WNT7B: variants seen among roughly 807,000 people sequenced by gnomAD.
The protein encoded by WNT7B is protein Wnt-7b.
Under a neutral mutation model 38.2 loss-of-function variants are expected in WNT7B, and 19 were observed. That is an observed-to-expected ratio of 0.50 (90% CI 0.35 to 0.73). The LOEUF is 0.73. Ranked by LOEUF, WNT7B falls within the 30% of genes least tolerant of loss-of-function variation. The pLI is 0.01. For synonymous variants in WNT7B, 243 were observed against 209.3 expected (o/e 1.16, Z -1.39); for missense variants, 423 against 507.9 (o/e 0.83, Z 1.61).
chr22:45,929,247 T>C (rs1015031187), intron 3 of WNT7B, among the ~76,000 whole-genome samples: 7 of 152,184 alleles, frequency 4.6e-5, no homozygotes, highest in African/African-American at 1.4e-4. Flanking sequence ...TCAAGGTTCG[T>C]AGGCCTCCTT....
At chr22:45,948,143 T>A (rs1361980594) in intron 2 of WNT7B, among the ~76,000 whole-genome samples, 1 of 151,914 alleles carries the variant, frequency 6.6e-6, no homozygotes, top group East Asian at 1.9e-4. Context: ...CCACCACAAC[T>A]CCCCGGGGGC....
At chr22:45,973,236 C>T (rs1182630576) in intron 1 of WNT7B, among the ~76,000 whole-genome samples, 1 of 152,236 alleles carries the variant, frequency 6.6e-6, no homozygotes, top group East Asian at 1.9e-4. Flanking sequence ...TCTCCCTCCT[C>T]GAGTTCCTTT....
chr22:45,924,590 G>A (rs560026849), intron 3 of WNT7B, among the ~76,000 whole-genome samples: 4 of 152,386 alleles, frequency 2.6e-5, no homozygotes, highest in Admixed American at 1.3e-4. Context: ...CAACATGAGC[G>A]AAGGTCTGGA....
intron 2 of WNT7B, among the ~76,000 whole-genome samples, chr22:45,933,071 T>G (rs975787801): frequency 3.3e-5 from 5 of 152,030 alleles, no homozygotes; most frequent in Non-Finnish European, 5.9e-5. Flanking sequence ...CTCAGCCAGG[T>G]GGGGGTCCCT....
In WNT7B at chr22:45,939,931, A is replaced by ATT. The variant is rs1931604941; in HGVS notation, c.299-8563_299-8562insAA. Reference sequence around the variant, plus strand: ...ATTTCTATGAAATGCCCAGAGGAGCAGGAGTTGGAGAGTTAGACAGCACCT... The same window carrying ATT: ...ATTTCTATGAAATGCCCAGAGGAGCATTGGAGTTGGAGAGTTAGACAGCACCT... On this transcript the variant is annotated intron_variant, in intron 2 of 3. Transcript: ENST00000339464. 5.3e-5 allele frequency among the ~76,000 whole-genome samples: 8 copies of ATT among 152,346 alleles called. No individual in the cohort carries two copies. The South Asian group carries it at 1.4e-3, about 28-fold the overall frequency.
At chr22:45,925,487 G>A (rs1247024000) in intron 3 of WNT7B, 21 of 985,140 alleles carry the variant, frequency 2.1e-5, no homozygotes, top group Non-Finnish European at 2.4e-5. Flanking sequence ...AGGGCTAAGG[G>A]GCATCTGGGC....
At chr22:45,930,918 C>A (rs1033691667) in intron 3 of WNT7B, among the ~76,000 whole-genome samples, 180 bp downstream of exon 3, 1 of 152,184 alleles carries the variant, frequency 6.6e-6, no homozygotes, top group Non-Finnish European at 1.5e-5. Context: ...ATGGGGACAG[C>A]CTCCTCCCGG....
rs978870816 is a variant in WNT7B at position 45,950,648 on chromosome 22, C to T, written c.72-502G>A. On this transcript the variant is annotated intron_variant, in intron 1 of 3. Coordinates refer to ENST00000339464, the MANE Select transcript of WNT7B (RefSeq NM_058238.3). ...TGCTGAAAAGGCCGGCAGCCAAGCC[C>T]ATCCGGTACTGACTCCAGCTCCGAC... Among the ~76,000 whole-genome samples, 8 of 152,358 alleles carry T rather than the reference C, an allele frequency of 5.3e-5. No homozygotes were observed. The South Asian group carries it at 1.5e-3, about 28-fold the overall frequency.
chr22:45,959,131 C>T (rs1426883233), intron 1 of WNT7B, among the ~76,000 whole-genome samples: 2 of 152,204 alleles, frequency 1.3e-5, no homozygotes, highest in Non-Finnish European at 1.5e-5. Flanking sequence ...TGACGAGTGG[C>T]TGACAGACAC....
intron 1 of WNT7B, among the ~76,000 whole-genome samples, chr22:45,963,387 G>T (rs573515692): frequency 6.6e-6 from 1 of 152,274 alleles, no homozygotes; most frequent in East Asian, 1.9e-4. Context: ...TTCCCCAGGG[G>T]CAGCCTCCTC....
chr22:45,963,877 C>T (rs2146747677), intron 1 of WNT7B, among the ~76,000 whole-genome samples: 1 of 152,294 alleles, frequency 6.6e-6, no homozygotes, highest in East Asian at 1.9e-4. Context: ...ACACCGCACA[C>T]CCTGCCTGGC....
Position 45,963,391 on chromosome 22 carries a change from C to T in WNT7B, c.72-13245G>A, listed in dbSNP as rs552737581. Among the ~76,000 whole-genome samples the T allele has an allele frequency of 1.2e-4, 18 of 152,270 alleles. No homozygotes were observed. In the South Asian group the frequency reaches 3.7e-3, roughly 32 times the overall value. On this transcript the variant is annotated intron_variant, in intron 1 of 3. Transcript: ENST00000339464. ...AGAGTGCCCACTTCCCCAGGGGCAG[C>T]CTCCTCTGCCTCTCATCAGCCTGGC...
Position 45,977,039 on chromosome 22 carries a change from G to A in WNT7B, c.-285C>T. Reference sequence around the variant, plus strand: ...TGGACCCCTGCAAGCGCGGGCCGGGGGCCCGGGCGCGGCTGGCGGGCGGGT... The same window carrying A: ...TGGACCCCTGCAAGCGCGGGCCGGGAGCCCGGGCGCGGCTGGCGGGCGGGT... On this transcript the variant is annotated 5_prime_UTR_variant, in exon 1 of 4. Transcript: ENST00000339464. 1 of 984,598 alleles carries A rather than the reference G, an allele frequency of 1.0e-6. No homozygotes were observed. Among genetic ancestry groups the A allele is most frequent in the Non-Finnish European group, 1.2e-6 (1 of 829,714 alleles). The allele number at this position is 984,598 out of a possible 1,614,324, so 61.0% of individuals were successfully genotyped here.
At chr22:45,972,116 G>GGGGGCCCCCCCCCCCC in intron 1 of WNT7B, 8 of 530,724 alleles carry the variant, frequency 1.5e-5, no homozygotes, top group East Asian at 1.1e-4. Flanking sequence ...CCCGGGGGGA[G>GGGGGCCCCCCCCCCCC]CCCACCCGCC....
rs1601719334 is a variant in WNT7B, at chr22:45,931,387, T to G, written c.299-18A>C. The G allele has an allele frequency of 6.4e-7, 1 of 1,569,070 alleles. No homozygotes were observed. ...ACGGCTCCCTGCGGGGACAGACAGGTGCAGAAGGTGAGACCCCAGGCCCTG... is the reference window on the plus strand; with the variant it reads ...ACGGCTCCCTGCGGGGACAGACAGGGGCAGAAGGTGAGACCCCAGGCCCTG... On this transcript the variant is annotated intron_variant, in intron 2 of 3. Transcript: ENST00000339464.
Position 45,951,941 on chromosome 22 carries a change from C to T in WNT7B, c.72-1795G>A, listed in dbSNP as rs1424611540. On this transcript the variant is annotated intron_variant, in intron 1 of 3. Coordinates refer to ENST00000339464, the MANE Select transcript of WNT7B (RefSeq NM_058238.3). This position sits in a 1 kb window ranked among gnomAD's most constrained non-coding sequence, Gnocchi z 4.8. ...GTCCCTTCGCTTTCTGAGGACTTGC[C>T]GGACTGCCCTCCACAGCGGCTGCCC... Among the ~76,000 whole-genome samples the T allele has an allele frequency of 1.3e-5, 2 of 152,190 alleles. No individual in the cohort carries two copies. The highest frequency in any genetic ancestry group is 2.1e-4 in the South Asian group (1 of 4,828).
intron 1 of WNT7B, among the ~76,000 whole-genome samples, chr22:45,970,846 G>T (rs930220100): frequency 3.2e-4 from 48 of 152,330 alleles, no homozygotes; most frequent in African/African-American, 1.1e-3. Context: ...CACTGCTCAG[G>T]CGGTCCCCAC....
rs148283373 is a variant in WNT7B at position 45,923,204 on chromosome 22, C to G, written c.702G>C (p.Ala234=). The G allele has an allele frequency of 1.2e-6, 2 of 1,613,160 alleles. No homozygotes were observed. The highest frequency in any genetic ancestry group is 1.7e-6 in the Non-Finnish European group (2 of 1,180,004). The change falls in exon 4 of 4, where the codon GCG becomes GCC. Residue 234 remains alanine (A), a synonymous_variant. Transcript: ENST00000339464. The part of the protein sequence containing the change: ...VGHLLKEKYN[A]AVQVEVVRAS... ...CCCGCACCACCTCCACCTGCACGGC[C>G]GCGTTGTACTTCTCCTTCAGCAGGT...
chr22:45,928,277 T>C (rs902929272), intron 3 of WNT7B, among the ~76,000 whole-genome samples: 1 of 152,162 alleles, frequency 6.6e-6, no homozygotes, highest in African/African-American at 2.4e-5. Flanking sequence ...CAGGAAGGGC[T>C]GGATTCAGTG....
Sources: allele counts gnomAD v4.1 joint callset (sites outside exome capture counted in the v4.1 genomes callset), GRCh38; gene constraint gnomAD v4.1.1; non-coding constraint Gnocchi (gnomAD v3.1); transcripts MANE v1.5; gene names NCBI Gene and HGNC (gene_info 2026-07-23, HGNC 2026-07-21).